The following TPH2 variants were observed in gnomAD, a reference collection of about 807,000 sequenced individuals.
The protein encoded by TPH2 is tryptophan 5-hydroxylase 2.
A neutral mutation model predicts 59.1 loss-of-function variants in TPH2; 27 were observed. The observed-to-expected ratio is 0.46, with a 90% CI of 0.34 to 0.63. TPH2 has a LOEUF of 0.63. Ranked by LOEUF, TPH2 falls within the 30% of genes least tolerant of loss-of-function variation. TPH2 has a pLI of 0.01. For missense variants in TPH2, 523 were observed against 588.3 expected, an observed-to-expected ratio of 0.89 and a Z score of 1.15; for synonymous variants, 220 against 210.5, an observed-to-expected ratio of 1.05 and a Z score of -0.39.
intron 8 of TPH2, among the ~76,000 whole-genome samples, chr12:72,013,142 A>G (rs1021045248): frequency 2.0e-5 from 3 of 151,996 alleles, no homozygotes; most frequent in Non-Finnish European, 2.9e-5. Context: ...TTGATGATCA[A>G]TTTTCCACAA....
chr12:71,994,830 G>A (rs538034002), intron 8 of TPH2, among the ~76,000 whole-genome samples: 1 of 152,280 alleles, frequency 6.6e-6, no homozygotes, highest in South Asian at 2.1e-4. Context: ...TGGGTCGTAA[G>A]GACTCTGTCA....
At chr12:72,023,166 T>C (rs776812115) in intron 9 of TPH2, among the ~76,000 whole-genome samples, 34 of 152,196 alleles carry the variant, frequency 2.2e-4, no homozygotes, top group Non-Finnish European at 4.3e-4. Context: ...TTGCCATTTA[T>C]ACCATGGGGG....
chr12:72,030,212 T>C (rs1390712151), intron 9 of TPH2, among the ~76,000 whole-genome samples: 2 of 152,064 alleles, frequency 1.3e-5, no homozygotes, highest in Non-Finnish European at 2.9e-5. Flanking sequence ...CCCCCTTAAA[T>C]TAAGAAAAAG....
At chr12:72,015,315 G>GTTTTTTT (rs869231666) in intron 8 of TPH2, among the ~76,000 whole-genome samples, 19 of 98,948 alleles carry the variant, frequency 1.9e-4, no homozygotes, top group South Asian at 3.7e-4. Flanking sequence ...TTTTTTGGTT[G>GTTTTTTT]TTTTTTTTTT....
At position 72,031,820 on chromosome 12, in the gene TPH2, C is replaced by G. The variant is rs181430986; in HGVS notation, c.*125C>G. On this transcript the variant is annotated 3_prime_UTR_variant, in exon 11 of 11. Coordinates refer to ENST00000333850, the MANE Select transcript of TPH2 (RefSeq NM_173353.4). ...CTAATAAGCATGCAATTCCATATATCTATACCATCTTGTAACTCACTGTGT... is the reference window on the plus strand; with the variant it reads ...CTAATAAGCATGCAATTCCATATATGTATACCATCTTGTAACTCACTGTGT... 6.0e-5 allele frequency: 65 copies of G among 1,084,908 alleles called. No individual in the cohort carries two copies. In the East Asian group the frequency reaches 7.9e-4, roughly 13 times the overall value. 67.2% of individuals were successfully genotyped at this position (1,084,908 alleles called of 1,614,324 possible).
At chr12:71,993,660 A>C (rs1308423403) in intron 7 of TPH2, among the ~76,000 whole-genome samples, 1 of 152,194 alleles carries the variant, frequency 6.6e-6, no homozygotes, top group Non-Finnish European at 1.5e-5. Context: ...GAGATTTTCT[A>C]ATGTGTTATC....
chr12:71,977,254 G>T (rs1361457492), intron 6 of TPH2, among the ~76,000 whole-genome samples: 2 of 151,930 alleles, frequency 1.3e-5, no homozygotes, highest in Admixed American at 6.6e-5. Context: ...AAAAAGTTTT[G>T]CCATGTTGCC....
rs909418427 is a variant in TPH2 at position 71,964,732 on chromosome 12, T to A, written c.609-7787T>A. The A allele has an allele frequency of 2.1e-5, 21 of 985,294 alleles. No individual in the cohort carries two copies. In the African/African-American group the frequency reaches 3.3e-4, roughly 16 times the overall value. The allele number at this position is 985,294 out of a possible 1,614,324, so 61.0% of individuals were successfully genotyped here. Reference sequence around the variant, plus strand: ...GGTGTGACACCTCAGTTGTGAGACATGCAACAAATGCTTGATAAGAGTTAA... The same window carrying A: ...GGTGTGACACCTCAGTTGTGAGACAAGCAACAAATGCTTGATAAGAGTTAA... On this transcript the variant is annotated intron_variant, in intron 5 of 10. Transcript: ENST00000333850.
intron 7 of TPH2, among the ~76,000 whole-genome samples, chr12:71,986,112 C>A (rs1476409823): frequency 6.6e-6 from 1 of 152,180 alleles, no homozygotes; most frequent in Non-Finnish European, 1.5e-5. Flanking sequence ...GCAGAAGGAC[C>A]TAAGGACTGA....
At chr12:71,940,612 C>A (rs189534210) in intron 1 of TPH2, among the ~76,000 whole-genome samples, 21 of 152,206 alleles carry the variant, frequency 1.4e-4, no homozygotes, top group African/African-American at 4.6e-4. Context: ...TAAAACAGAC[C>A]ACATAATTTT....
chr12:72,022,055 A>G (rs1486000275), intron 8 of TPH2, among the ~76,000 whole-genome samples: 1 of 152,226 alleles, frequency 6.6e-6, no homozygotes, highest in Non-Finnish European at 1.5e-5. Context: ...TGGTAAATAT[A>G]TAGCATATTG....
At chr12:72,017,645 C>A (rs1873296357) in intron 8 of TPH2, among the ~76,000 whole-genome samples, 1 of 152,198 alleles carries the variant, frequency 6.6e-6, no homozygotes, top group African/African-American at 2.4e-5. Context: ...GGTGTTCTTA[C>A]AAGTCTCAGC....
chr12:71,951,362 G>A (rs1871340540), intron 5 of TPH2, among the ~76,000 whole-genome samples: 1 of 152,158 alleles, frequency 6.6e-6, no homozygotes, highest in Non-Finnish European at 1.5e-5. Context: ...GGGCAGGGCA[G>A]TTCTTTGTAG....
chr12:72,002,258 C>T (rs557581975), intron 8 of TPH2, among the ~76,000 whole-genome samples: 40 of 151,782 alleles, frequency 2.6e-4, no homozygotes, highest in South Asian at 8.3e-4. Flanking sequence ...TACTCCCAGG[C>T]GAGAAAGAAA....
chr12:71,998,642 CA>C (rs1278934396), intron 8 of TPH2, among the ~76,000 whole-genome samples: 5 of 152,050 alleles, frequency 3.3e-5, no homozygotes, highest in African/African-American at 1.2e-4. Flanking sequence ...CTTGCAGAAA[CA>C]AAAATATTAA....
intron 9 of TPH2, among the ~76,000 whole-genome samples, chr12:72,024,424 G>A (rs1000527718): frequency 6.6e-6 from 1 of 152,214 alleles, no homozygotes; most frequent in African/African-American, 2.4e-5. Flanking sequence ...CTGATGACCT[G>A]ATGTAGTATG....
chr12:71,951,297 G>C (rs761433555), intron 5 of TPH2, among the ~76,000 whole-genome samples: 6 of 152,152 alleles, frequency 3.9e-5, no homozygotes, highest in Non-Finnish European at 7.4e-5. Flanking sequence ...TGGTCCACAG[G>C]CTCCTTCTGC....
intron 8 of TPH2, among the ~76,000 whole-genome samples, chr12:72,017,421 T>C (rs1270480247): frequency 6.6e-6 from 1 of 152,222 alleles, no homozygotes; most frequent in Admixed American, 6.5e-5. Flanking sequence ...TGAGCTATCA[T>C]TTCTGTTTTG....
chr12:72,027,841 G>A (rs1291157513), intron 9 of TPH2, among the ~76,000 whole-genome samples: 1 of 152,148 alleles, frequency 6.6e-6, no homozygotes. Context: ...GGGAGGTAAA[G>A]GTGGTGTGAG....
Sources: allele counts gnomAD v4.1 joint callset (sites outside exome capture counted in the v4.1 genomes callset), GRCh38; gene constraint gnomAD v4.1.1; transcripts MANE v1.5; gene names NCBI Gene and HGNC (gene_info 2026-07-23, HGNC 2026-07-21).